PHF24: variants seen among roughly 807,000 people sequenced by gnomAD.
PHF24 encodes Galpha inhibitory interacting protein.
In PHF24, 25 loss-of-function variants were observed where a neutral mutation model predicts 42.6. The observed-to-expected ratio is 0.59, with a 90% CI of 0.43 to 0.82. The LOEUF (loss-of-function observed/expected upper bound fraction) is 0.82. PHF24 is among the 40% of genes least tolerant of loss of function. The pLI, the probability that PHF24 is intolerant of heterozygous loss-of-function variation, is 0.00. For synonymous variants in PHF24, 185 were observed against 204.8 expected, an observed-to-expected ratio of 0.90 and a Z score of 0.83; for missense variants, 470 against 538.1, an observed-to-expected ratio of 0.87 and a Z score of 1.25.
chr9:34,690,467 T>TGG, the PHF24 span: 3 of 874,886 alleles, frequency 3.4e-6, no homozygotes, highest in Non-Finnish European at 3.5e-6. Flanking sequence ...TGTGTGTGTG[T>TGG]GTCTGGTGGG....
At chr9:34,882,620 C>G in the PHF24 span, among the ~76,000 whole-genome samples, 5 of 152,108 alleles carry the variant, frequency 3.3e-5, no homozygotes, top group African/African-American at 1.2e-4. Context: ...ACAATTGCTT[C>G]AAACAGAATA....
chr9:34,890,547 T>C, the PHF24 span, among the ~76,000 whole-genome samples: 2 of 152,192 alleles, frequency 1.3e-5, no homozygotes, highest in Non-Finnish European at 2.9e-5. Context: ...GCACTGTCTT[T>C]AGTTCAACGG....
At chr9:34,736,144 A>T in the PHF24 span, among the ~76,000 whole-genome samples, 14 of 152,118 alleles carry the variant, frequency 9.2e-5, no homozygotes, top group Non-Finnish European at 1.6e-4. Context: ...AAACAGAAAG[A>T]AAAAAGTGAA....
the PHF24 span, among the ~76,000 whole-genome samples, chr9:34,886,417 A>G: frequency 3.9e-5 from 6 of 152,106 alleles, no homozygotes; most frequent in Admixed American, 2.0e-4. Flanking sequence ...ACCTGAGGCT[A>G]TTCTTCTCAG....
the PHF24 span, among the ~76,000 whole-genome samples, chr9:34,721,696 C>T: frequency 1.3e-5 from 2 of 152,196 alleles, no homozygotes; most frequent in African/African-American, 4.8e-5. Flanking sequence ...CAGGTGTGAG[C>T]CACTGTGCCC....
the PHF24 span, chr9:34,832,882 G>A: frequency 1.3e-6 from 2 of 1,551,734 alleles, no homozygotes; most frequent in East Asian, 2.4e-5. Context: ...TGGTTTGACT[G>A]TCTTGCAGGT....
the PHF24 span, among the ~76,000 whole-genome samples, chr9:34,829,596 C>T: frequency 1.3e-5 from 2 of 152,200 alleles, no homozygotes; most frequent in Admixed American, 6.5e-5. Context: ...AACCTCACAC[C>T]TTATAGCACT....
At chr9:34,665,944 G>T in the PHF24 span, 1 of 522,030 alleles carries the variant, frequency 1.9e-6, no homozygotes, top group African/African-American at 1.9e-5. Context: ...GAGATTTGGG[G>T]CCCTGGGTGA....
the PHF24 span, among the ~76,000 whole-genome samples, chr9:34,916,070 G>A: frequency 6.6e-6 from 1 of 152,154 alleles, no homozygotes; most frequent in African/African-American, 2.4e-5. Context: ...ATGATTGTAA[G>A]TTTCCCAAGG....
chr9:34,798,474 T>C, the PHF24 span, among the ~76,000 whole-genome samples: 1 of 152,360 alleles, frequency 6.6e-6, no homozygotes, highest in Non-Finnish European at 1.5e-5. Context: ...TATTTGGTTT[T>C]CTGTTTCTAC....
chr9:34,928,316 ATTGT>A, the PHF24 span, among the ~76,000 whole-genome samples: 3 of 152,066 alleles, frequency 2.0e-5, no homozygotes, highest in Non-Finnish European at 4.4e-5. Context: ...GTATAATTGG[ATTGT>A]TTGTAACACA....
At chr9:34,689,493 T>C in the PHF24 span, 1 of 131,958 alleles carries the variant, frequency 7.6e-6, no homozygotes, top group East Asian at 2.2e-4. The surrounding 1 kb of genome is among the most constrained non-coding windows in gnomAD (Gnocchi z 4.1). Context: ...GCCAGGTGCC[T>C]TTTTTTTTTT....
the PHF24 span, among the ~76,000 whole-genome samples, chr9:34,883,216 A>G: frequency 2.0e-4 from 31 of 152,218 alleles, no homozygotes; most frequent in African/African-American, 7.5e-4. Flanking sequence ...AATTAATTCA[A>G]GATGGATTAA....
chr9:34,820,482 T>C, the PHF24 span, among the ~76,000 whole-genome samples: 2 of 152,126 alleles, frequency 1.3e-5, no homozygotes, highest in South Asian at 4.1e-4. Flanking sequence ...TGAGAACATG[T>C]GGTGTTTGGT....
At chr9:34,703,075 C>T in the PHF24 span, among the ~76,000 whole-genome samples, 1 of 152,168 alleles carries the variant, frequency 6.6e-6, no homozygotes, top group Non-Finnish European at 1.5e-5. Context: ...TTAATGTCAC[C>T]TTTCATAGAC....
At chr9:34,750,176 T>C in the PHF24 span, among the ~76,000 whole-genome samples, 2 of 151,996 alleles carry the variant, frequency 1.3e-5, no homozygotes, top group Admixed American at 6.6e-5. Context: ...AAAACACAGA[T>C]GAAACAATCA....
the PHF24 span, among the ~76,000 whole-genome samples, chr9:34,692,696 C>G: frequency 6.6e-6 from 1 of 151,634 alleles, no homozygotes; most frequent in African/African-American, 2.4e-5. Flanking sequence ...AGATCTACTT[C>G]TTAGGATTAA....
chr9:34,977,161 A>T (rs1171827157), exon 6 of PHF24: 2 of 1,613,892 alleles, frequency 1.2e-6, no homozygotes, highest in South Asian at 2.2e-5. Context: ...CAGTGGGAGC[A>T]CCGTCAGTGA....
At chr9:34,803,295 T>C in the PHF24 span, among the ~76,000 whole-genome samples, 1 of 152,092 alleles carries the variant, frequency 6.6e-6, no homozygotes, top group Non-Finnish European at 1.5e-5. Context: ...TTGGAATATT[T>C]AGTATGTTCT....
Sources: gnomAD v4.1 joint callset for allele counts (sites outside exome capture counted in the v4.1 genomes callset) on GRCh38, gnomAD v4.1.1 for gene constraint, Gnocchi (gnomAD v3.1) non-coding constraint, MANE v1.5 for transcripts, NCBI Gene and HGNC (gene_info 2026-07-23, HGNC 2026-07-21) for gene names.